Variants in RAD51AP2 observed in about 807,000 individuals in gnomAD.
RAD51AP2 encodes the protein RAD51 associated protein 2, also known as RAD51-associated protein 2.
In RAD51AP2, 67 loss-of-function variants were observed where a neutral mutation model predicts 85.5. The ratio of observed to expected loss-of-function variants is 0.78; its 90% CI spans 0.64 to 0.96. The LOEUF is 0.96. Among genes scored for constraint, RAD51AP2 ranks in the 40% least tolerant of loss-of-function variants. The probability of loss-of-function intolerance (pLI) is 0.00; values close to 1 mark genes in which losing one functional copy is unlikely to be tolerated. For synonymous variants in RAD51AP2, 474 were observed against 446.5 expected (o/e 1.06, Z -0.78); for missense variants, 1,307 against 1,332.4 (o/e 0.98, Z 0.30).
chr2:17,530,075 G>A, the RAD51AP2 span, among the ~76,000 whole-genome samples: 2 of 152,190 alleles, frequency 1.3e-5, no homozygotes, highest in Non-Finnish European at 2.9e-5. Context: ...CAGAACAAGA[G>A]TGTCACCATA....
the RAD51AP2 span, among the ~76,000 whole-genome samples, chr2:17,535,948 A>AG: frequency 6.6e-6 from 1 of 151,230 alleles, no homozygotes; most frequent in East Asian, 1.9e-4. Flanking sequence ...AAAAAAAAAA[A>AG]AAAAAAAAAA....
the RAD51AP2 span, among the ~76,000 whole-genome samples, chr2:17,528,356 C>A: frequency 6.6e-6 from 1 of 151,952 alleles, no homozygotes; most frequent in Non-Finnish European, 1.5e-5. Context: ...TATGGGTAGG[C>A]GACAAATAAT....
At chr2:17,518,908 C>T (rs1387224591), upstream of RAD51AP2, among the ~76,000 whole-genome samples, 1 of 152,078 alleles carries the variant, frequency 6.6e-6, no homozygotes, top group Non-Finnish European at 1.5e-5. Flanking sequence ...GTTCTGTCAG[C>T]ACCAGACCAA....
chr2:17,520,920 C>T (rs188807416), upstream of RAD51AP2, among the ~76,000 whole-genome samples: 1 of 152,110 alleles, frequency 6.6e-6, no homozygotes, highest in South Asian at 2.1e-4. Context: ...GAAAGCTTCT[C>T]TTCCTCCTCC....
chr2:17,532,263 C>G, the RAD51AP2 span, among the ~76,000 whole-genome samples: 2 of 152,016 alleles, frequency 1.3e-5, no homozygotes, highest in Non-Finnish European at 2.9e-5. Flanking sequence ...AATCTAAAAT[C>G]AAAGTATCAT....
Position 17,510,681 on chromosome 2 carries a change from C to T in RAD51AP2, c.*123G>A, listed in dbSNP as rs1178885697. 3 of 494,038 alleles carry T rather than the reference C, an allele frequency of 6.1e-6. No individual in the cohort carries two copies. Among genetic ancestry groups the T allele is most frequent in the African/African-American group, 2.1e-5 (1 of 48,234 alleles). The allele number at this position is 494,038 out of a possible 1,614,324, so 30.6% of individuals were successfully genotyped here. On this transcript the variant is annotated 3_prime_UTR_variant, in exon 3 of 3. Transcript: ENST00000399080. ...GAAAGGTAATACCATAATTTATACACTCAAAAAAAAAAACTTCTCCACTTT... is the reference window on the plus strand; with the variant it reads ...GAAAGGTAATACCATAATTTATACATTCAAAAAAAAAAACTTCTCCACTTT...
Position 17,516,959 on chromosome 2 carries a change from T to C in RAD51AP2, c.1457A>G (p.Asp486Gly), listed in dbSNP as rs748358072. 8.8e-6 allele frequency: 14 copies of C among 1,599,082 alleles called. No homozygotes were observed. The highest frequency in any genetic ancestry group is 1.2e-5 in the South Asian group (1 of 86,914). The change falls in exon 1 of 3, where the codon GAT (aspartate) becomes GGT (glycine). Residue 486 changes from aspartate to glycine, a missense_variant. Asp to Gly is a moderately conservative substitution (Grantham distance 94). Transcript: ENST00000399080. ...ATTGTATCTCAACTGTAGAGTATTA[T>C]CATTTTCTCCTTTACCATTTAGCCA... ...TVWLNGKGEN[D>G]NTLQLRYNTT...
chr2:17,516,314 G>A lies in RAD51AP2; in HGVS notation c.2102C>T (p.Ser701Phe). Residue 701 changes from serine to phenylalanine, a missense_variant, in exon 1 of 3, where the codon TCT becomes TTT. Physicochemically the swap from Ser to Phe is radical, Grantham distance 155. Coordinates refer to ENST00000399080, the MANE Select transcript of RAD51AP2 (RefSeq NM_001099218.3). The part of the protein sequence containing the change: ...LMDFDDMDEI[S>F]LIREITCQNM... ...CTGACAAGTAATTTCTCTTATTAAA[G>A]AAATTTCATCCATGTCATCAAAGTC... 1.2e-6 allele frequency: 2 copies of A among 1,604,866 alleles called. No individual in the cohort carries two copies. The highest frequency in any genetic ancestry group is 1.7e-6 in the Non-Finnish European group (2 of 1,177,600).
chr2:17,520,491 G>T (rs1662834698), upstream of RAD51AP2, among the ~76,000 whole-genome samples: 1 of 152,030 alleles, frequency 6.6e-6, no homozygotes, highest in African/African-American at 2.4e-5. Context: ...TTCCTTTGAA[G>T]TTCTTACCTT....
the RAD51AP2 span, among the ~76,000 whole-genome samples, chr2:17,528,400 T>C: frequency 6.6e-6 from 1 of 152,220 alleles, no homozygotes; most frequent in South Asian, 2.1e-4. Flanking sequence ...TTTAATATTA[T>C]CTGCATATAG....
chr2:17,531,223 T>G, the RAD51AP2 span, among the ~76,000 whole-genome samples: 1 of 152,240 alleles, frequency 6.6e-6, no homozygotes, highest in Non-Finnish European at 1.5e-5. Context: ...CATCTCATTT[T>G]ATACTCATAG....
chr2:17,529,623 T>C, the RAD51AP2 span, among the ~76,000 whole-genome samples: 1 of 152,196 alleles, frequency 6.6e-6, no homozygotes, highest in Non-Finnish European at 1.5e-5. Flanking sequence ...TATCATTAGA[T>C]ACTAAAATCT....
chr2:17,532,154 G>T, the RAD51AP2 span, among the ~76,000 whole-genome samples: 2 of 152,108 alleles, frequency 1.3e-5, no homozygotes, highest in Non-Finnish European at 2.9e-5. Flanking sequence ...AAATGCAGTT[G>T]TCCTCTACAC....
At chr2:17,514,542 G>GC (rs1389729020) in intron 1 of RAD51AP2, among the ~76,000 whole-genome samples, 219 of 151,922 alleles carry the variant, frequency 1.4e-3, no homozygotes, top group Admixed American at 2.4e-3. Context: ...GCGGCGGGGG[G>GC]GGTGGATCAC....
rs1169476779 is a variant in RAD51AP2, at chr2:17,516,151, T to G, written c.2265A>C (p.Glu755Asp). Residue 755 changes from glutamate (E) to aspartate (D), a missense_variant, in exon 1 of 3, where the codon GAA (glutamate) becomes GAC (aspartate). By Grantham distance (45) the Glu-to-Asp change is conservative. Transcript: ENST00000399080. ...TTAAATCTTGGCTGTGCATATTTACTTCATAAAAATTTTCATTAATGTATC... is the reference window on the plus strand; with the variant it reads ...TTAAATCTTGGCTGTGCATATTTACGTCATAAAAATTTTCATTAATGTATC... ...NRGYINENFY[E>D]VNMHSQDLNM... The G allele has an allele frequency of 1.2e-6, 2 of 1,613,074 alleles. No homozygotes were observed. The highest frequency in any genetic ancestry group is 2.7e-5 in the African/African-American group (2 of 74,896).
chr2:17,516,093 T>C lies in RAD51AP2; in HGVS notation c.2323A>G (p.Ser775Gly), dbSNP rs766566985. ...MERKQGHNKI[S>G]NFDCEHIFED... is the part of the protein sequence containing the mutation. The stretch of plus-strand genomic sequence containing the variant: ...AATATGTGCTCACAGTCAAAGTTAC[T>C]GATCTTATTATGTCCCTGTTTTCTT... The change falls in exon 1 of 3, where the codon AGT becomes GGT. Residue 775 changes from serine (S) to glycine (G), a missense_variant. Physicochemically the swap from Ser to Gly is moderately conservative, Grantham distance 56. Around this residue, in one of 3 missense-constraint regions of RAD51AP2, gnomAD observed 668 missense variants for 671.0 expected, o/e 1.00. Transcript: ENST00000399080. The C allele has an allele frequency of 6.8e-6, 11 of 1,612,728 alleles. No individual in the cohort carries two copies. In the East Asian group the frequency reaches 2.2e-4, roughly 33 times the overall value.
At chr2:17,535,043 A>AAT in the RAD51AP2 span, among the ~76,000 whole-genome samples, 1 of 152,194 alleles carries the variant, frequency 6.6e-6, no homozygotes, top group South Asian at 2.1e-4. Flanking sequence ...CTTATGTTTA[A>AAT]ATAGAGCTTC....
chr2:17,535,671 C>T, the RAD51AP2 span, among the ~76,000 whole-genome samples: 1 of 151,968 alleles, frequency 6.6e-6, no homozygotes, highest in South Asian at 2.1e-4. Context: ...TGATAGTGGG[C>T]ATCGTCAAAG....
Position 17,515,392 on chromosome 2 carries a change from C to G in RAD51AP2, c.3024G>C (p.Lys1008Asn), listed in dbSNP as rs1662623240. ...ENYFGENDAE[K>N]VKMEIEKDLK... Reference sequence around the variant, plus strand: ...AATCTTTTTCTATCTCCATTTTTACCTTCTCAGCATCATTTTCTCCAAAGT... The same window carrying G: ...AATCTTTTTCTATCTCCATTTTTACGTTCTCAGCATCATTTTCTCCAAAGT... Residue 1008 changes from lysine (K) to asparagine (N), a missense_variant, in exon 1 of 3, where the codon AAG (lysine) becomes AAC (asparagine). Around this residue, in one of 3 missense-constraint regions of RAD51AP2, gnomAD observed 668 missense variants for 671.0 expected, o/e 1.00. Transcript: ENST00000399080. The G allele has an allele frequency of 6.2e-7, 1 of 1,611,510 alleles. No individual in the cohort carries two copies. Among genetic ancestry groups the G allele is most frequent in the African/African-American group, 1.3e-5 (1 of 74,766 alleles).
Sources: gnomAD v4.1 joint callset for allele counts (sites outside exome capture counted in the v4.1 genomes callset) on GRCh38, gnomAD v4.1.1 for gene constraint, gnomAD v4.1.1 regional missense constraint, MANE v1.5 for transcripts, NCBI Gene and HGNC (gene_info 2026-07-23, HGNC 2026-07-21) for gene names.